The following CTNND2 variants were observed in gnomAD, a reference collection of about 807,000 sequenced individuals.
The protein encoded by CTNND2 is catenin delta 2.
In CTNND2, 22 loss-of-function variants were observed where a neutral mutation model predicts 144.4. That is an observed-to-expected ratio of 0.15 (90% CI 0.11 to 0.22). CTNND2 has a LOEUF of 0.22. CTNND2 is among the 10% of genes least tolerant of loss of function. The pLI, the probability that CTNND2 is intolerant of heterozygous loss-of-function variation, is 1.00. For missense variants in CTNND2, 1,353 were observed against 1,618.8 expected (o/e 0.84, Z 2.82); for synonymous variants, 751 against 695.6 (o/e 1.08, Z -1.25).
At chr5:11,255,068 T>C (rs1451098755) in intron 9 of CTNND2, among the ~76,000 whole-genome samples, 3 of 152,244 alleles carry the variant, frequency 2.0e-5, no homozygotes, top group Non-Finnish European at 2.9e-5. Context: ...TCTTCTATTA[T>C]GTTTGTGTCA....
intron 1 of CTNND2, among the ~76,000 whole-genome samples, chr5:11,736,719 C>T (rs72734948): frequency 0.15 from 22,078 of 152,128 alleles, 1,794 homozygotes; most frequent in East Asian, 0.27. Context: ...TCTGTGCAAC[C>T]AGGAAATCTG....
At chr5:11,602,488 C>T (rs1178891239) in intron 2 of CTNND2, among the ~76,000 whole-genome samples, 1 of 151,732 alleles carries the variant, frequency 6.6e-6, no homozygotes, top group Non-Finnish European at 1.5e-5. Context: ...TGCCCTTTGG[C>T]CACAGAGACC....
intron 16 of CTNND2, among the ~76,000 whole-genome samples, chr5:11,049,575 C>A (rs1046898851): frequency 2.0e-5 from 3 of 152,052 alleles, no homozygotes; most frequent in African/African-American, 7.2e-5. Flanking sequence ...GCGAGTTTAC[C>A]CCAGTCAGCA....
intron 2 of CTNND2, among the ~76,000 whole-genome samples, chr5:11,581,373 A>T (rs529260780): frequency 1.7e-4 from 26 of 152,316 alleles, no homozygotes; most frequent in African/African-American, 6.0e-4. Flanking sequence ...TGCTATGAAG[A>T]TATTAGTCCA....
chr5:11,754,856 A>G (rs4235608), intron 1 of CTNND2, among the ~76,000 whole-genome samples: 148,433 of 151,718 alleles, frequency 0.98, 72,683 homozygotes, highest in East Asian at 1. Flanking sequence ...ATGTGGGGTA[A>G]GTATCTTAAA....
chr5:11,571,322 T>C (rs1172757690), intron 2 of CTNND2, among the ~76,000 whole-genome samples: 1 of 152,158 alleles, frequency 6.6e-6, no homozygotes, highest in Non-Finnish European at 1.5e-5. Context: ...TAGCTGTGCC[T>C]TCCAGGAGAA....
chr5:11,057,158 T>A (rs1040194190), intron 16 of CTNND2, among the ~76,000 whole-genome samples: 1 of 152,180 alleles, frequency 6.6e-6, no homozygotes, highest in Non-Finnish European at 1.5e-5. Context: ...TTCTGGATTG[T>A]CAAAACCAGA....
At position 11,574,705 on chromosome 5, in the gene CTNND2, G is replaced by A. The variant is rs979057576; in HGVS notation, c.175-9649C>T. ...TCAAATAATGGCCCTTAACTTTTAAGAGGAGCACTGCCAAACTCAGATATA... is the reference window on the plus strand; with the variant it reads ...TCAAATAATGGCCCTTAACTTTTAAAAGGAGCACTGCCAAACTCAGATATA... On this transcript the variant is annotated intron_variant, in intron 2 of 21. Transcript: ENST00000304623. 2.6e-5 allele frequency among the ~76,000 whole-genome samples: 4 copies of A among 152,266 alleles called. No homozygotes were observed. The East Asian group carries it at 7.7e-4, about 29-fold the overall frequency.
At chr5:11,648,172 CTTT>C (rs5865960) in intron 2 of CTNND2, among the ~76,000 whole-genome samples, 3 of 132,442 alleles carry the variant, frequency 2.3e-5, no homozygotes, top group Non-Finnish European at 3.2e-5. Flanking sequence ...AGAACAGTGA[CTTT>C]TTTTTTTTTT....
chr5:11,481,717 G>A (rs773510887), intron 3 of CTNND2, among the ~76,000 whole-genome samples: 5 of 152,118 alleles, frequency 3.3e-5, no homozygotes, highest in African/African-American at 4.8e-5. Flanking sequence ...TTATCTGGGT[G>A]CCTCACACAC....
chr5:11,246,007 C>T (rs1422219847), intron 9 of CTNND2, among the ~76,000 whole-genome samples: 2 of 152,222 alleles, frequency 1.3e-5, no homozygotes, highest in Non-Finnish European at 2.9e-5. Context: ...GCTTTCACCT[C>T]TTGCCATGTT....
chr5:11,299,253 A>C (rs1444092138), intron 9 of CTNND2, among the ~76,000 whole-genome samples: 2 of 152,100 alleles, frequency 1.3e-5, no homozygotes, highest in Non-Finnish European at 2.9e-5. Flanking sequence ...TCGATGTCCC[A>C]CTTGTGGAGG....
intron 18 of CTNND2, among the ~76,000 whole-genome samples, chr5:10,995,513 GATA>G (rs1226634672): frequency 3.9e-5 from 6 of 152,210 alleles, no homozygotes; most frequent in African/African-American, 1.4e-4. Flanking sequence ...GGTCCCAAAA[GATA>G]ATGAGAATTG....
intron 11 of CTNND2, among the ~76,000 whole-genome samples, chr5:11,196,840 A>G (rs566223870): frequency 2.0e-5 from 3 of 152,380 alleles, no homozygotes; most frequent in African/African-American, 7.2e-5. Context: ...TGTGTGGTCA[A>G]CTGAGGGCAT....
intron 3 of CTNND2, among the ~76,000 whole-genome samples, chr5:11,430,416 C>A (rs1581177693): frequency 1.7e-5 from 2 of 120,088 alleles, no homozygotes; most frequent in African/African-American, 4.5e-5. Flanking sequence ...GTGAGGATGA[C>A]TTGATTAAAA....
chr5:11,419,152 G>A (rs1762163096), intron 3 of CTNND2, among the ~76,000 whole-genome samples: 1 of 151,462 alleles, frequency 6.6e-6, no homozygotes, highest in African/African-American at 2.4e-5. Flanking sequence ...GGGTCAGAAG[G>A]GTGAAGAAAA....
At chr5:11,496,480 G>A (rs918000974) in intron 3 of CTNND2, among the ~76,000 whole-genome samples, 15 of 152,278 alleles carry the variant, frequency 9.9e-5, no homozygotes, top group African/African-American at 3.4e-4. Flanking sequence ...AGAAAATAGG[G>A]GTGTCCAGGG....
Position 11,119,513 on chromosome 5 carries a change from A to G in CTNND2, c.2160-1946T>C, listed in dbSNP as rs1487281768. 2.0e-5 allele frequency among the ~76,000 whole-genome samples: 3 copies of G among 152,246 alleles called. No individual in the cohort carries two copies. The East Asian group carries it at 5.8e-4, about 29-fold the overall frequency. On this transcript the variant is annotated intron_variant, in intron 12 of 21. Transcript: ENST00000304623. ...TCTGACACAATCCGTGGTGGTGGCC[A>G]GAGAGGAACTAACTTTCTGCTAGGG...
At chr5:11,379,910 C>T (rs80264170) in intron 7 of CTNND2, among the ~76,000 whole-genome samples, 5,274 of 152,242 alleles carry the variant, frequency 0.035, 267 homozygotes, top group East Asian at 0.15. Flanking sequence ...TGTCTCACCA[C>T]CCCTACCACT....
Sources: gnomAD v4.1 joint callset for allele counts (sites outside exome capture counted in the v4.1 genomes callset) on GRCh38, gnomAD v4.1.1 for gene constraint, MANE v1.5 for transcripts, NCBI Gene and HGNC (gene_info 2026-07-23, HGNC 2026-07-21) for gene names.